The following MAP7D1 variants were observed in gnomAD, a reference collection of about 807,000 sequenced individuals.
MAP7D1 encodes MAP7 domain-containing protein 1.
MAP7D1 carries 30 observed loss-of-function variants against 97.5 expected under a neutral mutation model. The ratio of observed to expected loss-of-function variants is 0.31; its 90% CI spans 0.23 to 0.42. MAP7D1 has a LOEUF of 0.42. MAP7D1 is among the 10% of genes least tolerant of loss of function. The probability of loss-of-function intolerance (pLI) is 1.00; values close to 1 mark genes in which losing one functional copy is unlikely to be tolerated. For synonymous variants in MAP7D1, 536 were observed against 477.1 expected (o/e 1.12, Z -1.61); for missense variants, 1,184 against 1,179.5 (o/e 1.00, Z -0.06).
chr1:36,158,485 C>T (rs1451816355), intron 1 of MAP7D1, among the ~76,000 whole-genome samples: 1 of 152,128 alleles, frequency 6.6e-6, no homozygotes, highest in Non-Finnish European at 1.5e-5. Flanking sequence ...GAGTAGAGGA[C>T]AAGTGTGGGG....
Position 36,178,784 on chromosome 1 carries a change from G to C in MAP7D1, c.1986G>C (p.Ala662=). The C allele has an allele frequency of 6.5e-7, 1 of 1,547,388 alleles. No individual in the cohort carries two copies. The highest frequency in any genetic ancestry group is 8.7e-7 in the Non-Finnish European group (1 of 1,145,786). The change falls in exon 11 of 17, where the codon GCG becomes GCC. Residue 662 remains alanine (A), a synonymous_variant. Transcript: ENST00000474796. ...RREEQEAREK[A]QAEQEEQERL... ...AGGAGCAGGAGGCACGAGAGAAGGC[G>C]CAGGCCGAGCAGGAGGAGCAGGAGC...
intron 1 of MAP7D1, among the ~76,000 whole-genome samples, chr1:36,169,252 G>GA (rs35202518): frequency 0.01 from 1,141 of 112,250 alleles, 5 homozygotes; most frequent in African/African-American, 0.026. Flanking sequence ...GCTCTGTCTT[G>GA]AAAAAAAAAA....
Position 36,176,655 on chromosome 1 carries a change from G to C in MAP7D1, c.1234-42G>C. The C allele has an allele frequency of 6.3e-7, 1 of 1,597,558 alleles. No individual in the cohort carries two copies. Among genetic ancestry groups the C allele is most frequent in the Non-Finnish European group, 8.5e-7 (1 of 1,170,408 alleles). The stretch of plus-strand genomic sequence containing the variant: ...CCTGGAACTGGGGTACGCGGGCGCT[G>C]CTGACCTCTACTCTCCTCTTCCGTT... On this transcript the variant is annotated intron_variant, in intron 7 of 16. Transcript: ENST00000474796. This position sits in a 1 kb window ranked among gnomAD's most constrained non-coding sequence, Gnocchi z 6.1.
chr1:36,176,398 C>A lies in MAP7D1; in HGVS notation c.1050C>A (p.Asp350Glu). ...GCCTGGCGCGCGGGCCGCAACCCGACCGCACTCATCCCTCTGCAGCCGTGC... is the reference window on the plus strand; with the variant it reads ...GCCTGGCGCGCGGGCCGCAACCCGAACGCACTCATCCCTCTGCAGCCGTGC... ...GASLARGPQP[D>E]RTHPSAAVPV... Residue 350 changes from aspartate to glutamate, a missense_variant, in exon 7 of 17, where the codon GAC becomes GAA. Coordinates refer to ENST00000474796, the MANE Select transcript of MAP7D1 (RefSeq NM_001388490.1). The surrounding 1 kb of genome is among the most constrained non-coding windows in gnomAD (Gnocchi z 6.1). The A allele has an allele frequency of 2.6e-6, 4 of 1,531,808 alleles. No individual in the cohort carries two copies. The highest frequency in any genetic ancestry group is 3.5e-6 in the Non-Finnish European group (4 of 1,146,638). The allele number at this position is 1,531,808 out of a possible 1,614,324, so 94.9% of individuals were successfully genotyped here.
At chr1:36,179,179 G>A (rs1644679279) in intron 12 of MAP7D1, 83 bp from the exon 13 acceptor site, 1 of 1,552,576 alleles carries the variant, frequency 6.4e-7, no homozygotes, top group Admixed American at 1.7e-5. Context: ...GAGGCCCTAA[G>A]ACTCCGAGGC....
intron 5 of MAP7D1, 139 bp from the exon 6 acceptor site, chr1:36,174,759 T>A (rs1331890740): frequency 8.4e-6 from 1 of 119,294 alleles, no homozygotes; most frequent in African/African-American, 3.6e-5. Context: ...GGGCCAAGGC[T>A]GCCTCCTGCT....
chr1:36,172,711 A>G, intron 4 of MAP7D1, 84 bp downstream of exon 4: 1 of 1,326,500 alleles, frequency 7.5e-7, no homozygotes, highest in African/African-American at 1.5e-5. Context: ...ATCCATGTTC[A>G]CGGCTCTGCC....
Position 36,178,676 on chromosome 1 carries a change from G to A in MAP7D1, c.1887-9G>A. 7 of 1,529,384 alleles carry A rather than the reference G, an allele frequency of 4.6e-6. No homozygotes were observed. Among genetic ancestry groups the A allele is most frequent in the Non-Finnish European group, 6.1e-6 (7 of 1,138,334 alleles). 94.7% of individuals were successfully genotyped at this position (1,529,384 alleles called of 1,614,324 possible). On this transcript the variant is annotated splice_polypyrimidine_tract_variant and intron_variant, in intron 10 of 16. Coordinates refer to ENST00000474796, the MANE Select transcript of MAP7D1 (RefSeq NM_001388490.1). ...AGGCCGAGCCTGAGCCGTTTGCTCC[G>A]TCCCCCAGGCGAATGCGAGAGGAGC... is the stretch of plus-strand genomic sequence containing the variant.
intron 1 of MAP7D1, among the ~76,000 whole-genome samples, chr1:36,169,626 A>C (rs1488542224): frequency 6.6e-6 from 1 of 152,128 alleles, no homozygotes; most frequent in Non-Finnish European, 1.5e-5. Context: ...CTCCCTAAGC[A>C]AGTTGGTAGC....
chr1:36,172,479 T>G lies in MAP7D1; in HGVS notation c.476T>G (p.Val159Gly). The G allele has an allele frequency of 6.3e-7, 1 of 1,586,644 alleles. No homozygotes were observed. Among genetic ancestry groups the G allele is most frequent in the African/African-American group, 1.3e-5 (1 of 74,524 alleles). Residue 159 changes from valine to glycine, a missense_variant, in exon 4 of 17, where the codon GTG (valine) becomes GGG (glycine). Physicochemically the swap from Val to Gly is moderately radical, Grantham distance 109 (BLOSUM62 -3). Coordinates refer to ENST00000474796, the MANE Select transcript of MAP7D1 (RefSeq NM_001388490.1). ...RAKYLAAKKA[V>G]WLEKEEKAKA... ...TTGTCCACAGCGGCCAAGAAGGCAGTGTGGCTGGAGAAGGAGGAGAAGGCC... is the reference window on the plus strand; with the variant it reads ...TTGTCCACAGCGGCCAAGAAGGCAGGGTGGCTGGAGAAGGAGGAGAAGGCC...
Position 36,159,876 on chromosome 1 carries a change from A to G in MAP7D1, c.46+3413A>G, listed in dbSNP as rs1407780979. On this transcript the variant is annotated intron_variant, in intron 1 of 16. Coordinates refer to ENST00000474796, the MANE Select transcript of MAP7D1 (RefSeq NM_001388490.1). The surrounding 1 kb of genome is among the most constrained non-coding windows in gnomAD (Gnocchi z 5.4). The stretch of plus-strand genomic sequence containing the variant: ...GCAGCCAGCTGGCTGGCACCTCCCA[A>G]TGACAGCTTCCTAGTCCCTTCCTGG... 6.6e-6 allele frequency among the ~76,000 whole-genome samples: 1 copy of G among 152,198 alleles called. No individual in the cohort carries two copies. Among genetic ancestry groups the G allele is most frequent in the Non-Finnish European group, 1.5e-5 (1 of 68,038 alleles).
chr1:36,176,564 C>A lies in MAP7D1; in HGVS notation c.1216C>A (p.Arg406=). 6.7e-7 allele frequency: 1 copy of A among 1,482,848 alleles called. No individual in the cohort carries two copies. The highest frequency in any genetic ancestry group is 2.5e-5 in the East Asian group (1 of 40,636). The allele number at this position is 1,482,848 out of a possible 1,614,324, so 91.9% of individuals were successfully genotyped here. Residue 406 remains arginine (R), a synonymous_variant, in exon 7 of 17, where the codon CGG becomes AGG. Transcript: ENST00000474796. This position sits in a 1 kb window ranked among gnomAD's most constrained non-coding sequence, Gnocchi z 6.1. Reference sequence around the variant, plus strand: ...GGGCAGCCCCGCTCCGGTGCGCCGCCGGCCGGAGGCCTCGCCGGTGAGTGG... The same window carrying A: ...GGGCAGCCCCGCTCCGGTGCGCCGCAGGCCGGAGGCCTCGCCGGTGAGTGG... ...AGGSPAPVRR[R]PEASPVQKKE...
rs778396406 is a variant in MAP7D1, at chr1:36,176,399, C to A, written c.1051C>A (p.Arg351Ser). ...CCTGGCGCGCGGGCCGCAACCCGAC[C>A]GCACTCATCCCTCTGCAGCCGTGCC... Reference protein sequence around the residue: ...ASLARGPQPDRTHPSAAVPVC... With the variant: ...ASLARGPQPDSTHPSAAVPVC... The change falls in exon 7 of 17, where the codon CGC becomes AGC. Residue 351 changes from arginine to serine, a missense_variant. By Grantham distance (110) the Arg-to-Ser change is moderately radical. Coordinates refer to ENST00000474796, the MANE Select transcript of MAP7D1 (RefSeq NM_001388490.1). The surrounding 1 kb of genome is among the most constrained non-coding windows in gnomAD (Gnocchi z 6.1). 275 of 1,532,300 alleles carry A rather than the reference C, an allele frequency of 1.8e-4. No individual in the cohort carries two copies. The highest frequency in any genetic ancestry group is 2.3e-4 in the Non-Finnish European group (261 of 1,146,976). 94.9% of individuals were successfully genotyped at this position (1,532,300 alleles called of 1,614,324 possible).
chr1:36,173,590 T>C (rs1416647702), intron 5 of MAP7D1, 112 bp downstream of exon 5: 5 of 712,940 alleles, frequency 7.0e-6, no homozygotes, highest in Admixed American at 3.2e-5. Flanking sequence ...AGGTGTGCCT[T>C]GCTTTATGTG....
chr1:36,178,609 C>A lies in MAP7D1; in HGVS notation c.1886+13C>A, dbSNP rs1275080763. ...CAGAAAGGGACAAGTGAGTGCGCCT[C>A]GGGGACTGAGGGGGCCCTCGTGGGC... On this transcript the variant is annotated intron_variant, in intron 10 of 16. Transcript: ENST00000474796. The A allele has an allele frequency of 6.4e-7, 1 of 1,566,168 alleles. No homozygotes were observed. The highest frequency in any genetic ancestry group is 8.6e-7 in the Non-Finnish European group (1 of 1,158,896).
intron 6 of MAP7D1, among the ~76,000 whole-genome samples, 199 bp downstream of exon 6, chr1:36,175,207 T>C (rs1272646592): frequency 2.6e-5 from 4 of 152,082 alleles, no homozygotes; most frequent in Admixed American, 6.5e-5. Context: ...GAGGTTGCCC[T>C]GTAGGAGAGG....
At position 36,180,464 on chromosome 1, in the gene MAP7D1, G is replaced by A. The variant is rs900919031; in HGVS notation, c.*206G>A. ...TGCCCCTCAGTGCATTCGTGTGCTC[G>A]CACGCGCAGACATCCCTTCTCCCCC... On this transcript the variant is annotated 3_prime_UTR_variant, in exon 17 of 17. Coordinates refer to ENST00000474796, the MANE Select transcript of MAP7D1 (RefSeq NM_001388490.1). The A allele has an allele frequency of 4.4e-5, 29 of 652,154 alleles. No individual in the cohort carries two copies. Among genetic ancestry groups the A allele is most frequent in the Admixed American group, 1.6e-4 (6 of 37,846 alleles). 40.4% of individuals were successfully genotyped at this position (652,154 alleles called of 1,614,324 possible). A position where few individuals can be genotyped will look rare whatever the true frequency, so the allele number is the denominator to read the frequency against.
At chr1:36,157,613 AG>A (rs1026613481) in intron 1 of MAP7D1, among the ~76,000 whole-genome samples, 1 of 152,148 alleles carries the variant, frequency 6.6e-6, no homozygotes, top group African/African-American at 2.4e-5. Context: ...CCATTGACTC[AG>A]GGGGGAGGTG....
At chr1:36,177,589 G>C (rs1456627431) in intron 8 of MAP7D1, 5 of 685,634 alleles carry the variant, frequency 7.3e-6, no homozygotes, top group South Asian at 3.0e-5. Context: ...CACTCAGGGT[G>C]CTGAGGACAC....
Sources: allele counts gnomAD v4.1 joint callset (sites outside exome capture counted in the v4.1 genomes callset), GRCh38; gene constraint gnomAD v4.1.1; non-coding constraint Gnocchi (gnomAD v3.1); transcripts MANE v1.5; gene names NCBI Gene and HGNC (gene_info 2026-07-23, HGNC 2026-07-21).